FMN2: variants seen among roughly 807,000 people sequenced by gnomAD.
FMN2 encodes the protein formin-2.
A neutral mutation model predicts 142.3 loss-of-function variants in FMN2; 51 were observed. The ratio of observed to expected loss-of-function variants is 0.36; its 90% CI spans 0.29 to 0.45. The LOEUF (loss-of-function observed/expected upper bound fraction) is 0.45, where lower values mean the gene tolerates loss of function less well. Among genes scored for constraint, FMN2 ranks in the 20% least tolerant of loss-of-function variants. FMN2 has a pLI of 1.00. For synonymous variants in FMN2, 882 were observed against 869.8 expected (o/e 1.01, Z -0.25); for missense variants, 1,936 against 2,122.8 (o/e 0.91, Z 1.73).
At chr1:240,110,438 G>T (rs565180673) in intron 1 of FMN2, among the ~76,000 whole-genome samples, 1 of 152,276 alleles carries the variant, frequency 6.6e-6, no homozygotes, top group African/African-American at 2.4e-5. Flanking sequence ...TAGTGTCAAT[G>T]GTCACAGGCC....
chr1:240,144,518 T>C, intron 2 of FMN2: 1 of 1,495,020 alleles, frequency 6.7e-7, no homozygotes, highest in Non-Finnish European at 9.3e-7. Flanking sequence ...TACTACCACA[T>C]CCTCGCAGGA....
chr1:240,384,504 C>T (rs1673348628), intron 14 of FMN2, among the ~76,000 whole-genome samples: 1 of 151,930 alleles, frequency 6.6e-6, no homozygotes. Flanking sequence ...TATGGTGCAC[C>T]TTTGCTTCTG....
At chr1:240,142,802 C>G in intron 2 of FMN2, 1 of 1,587,200 alleles carries the variant, frequency 6.3e-7, no homozygotes, top group Non-Finnish European at 8.6e-7. Flanking sequence ...GTGTCTGGAA[C>G]CCTGTGATGG....
chr1:240,122,062 A>AAATTAATTAATT (rs138503789), intron 1 of FMN2, among the ~76,000 whole-genome samples: 2,526 of 97,190 alleles, frequency 0.026, 30 homozygotes, highest in Non-Finnish European at 0.038. Flanking sequence ...TTTGGATCCA[A>AAATTAATTAATT]AATTAATTAA....
At chr1:240,421,660 C>A (rs892876881) in intron 15 of FMN2, among the ~76,000 whole-genome samples, 1 of 152,030 alleles carries the variant, frequency 6.6e-6, no homozygotes, top group African/African-American at 2.4e-5. Context: ...TTTAATTTTT[C>A]TTGTTTCATT....
chr1:240,193,440 T>A (rs977856395), intron 4 of FMN2, among the ~76,000 whole-genome samples: 2 of 152,194 alleles, frequency 1.3e-5, no homozygotes, highest in African/African-American at 4.8e-5. Context: ...AGGGTGAAGG[T>A]TGTTGAGAGA....
At chr1:240,413,120 C>CAAAAA (rs35590068) in intron 15 of FMN2, among the ~76,000 whole-genome samples, 248 of 24,568 alleles carry the variant, frequency 0.01, 19 homozygotes, top group East Asian at 0.033. Context: ...GAGACTCTGT[C>CAAAAA]AAAAAAAAAA....
At chr1:240,337,203 CTTTT>C (rs752506621) in intron 13 of FMN2, among the ~76,000 whole-genome samples, 2 of 90,576 alleles carry the variant, frequency 2.2e-5, no homozygotes, top group Non-Finnish European at 4.6e-5. Flanking sequence ...TATTCCTTTT[CTTTT>C]TTTTTTTTTT....
chr1:240,156,434 G>A (rs528816364), intron 2 of FMN2, among the ~76,000 whole-genome samples: 3 of 152,294 alleles, frequency 2.0e-5, no homozygotes, highest in South Asian at 2.1e-4. Flanking sequence ...CTCGGCAGAG[G>A]CATTTCCTTT....
intron 14 of FMN2, among the ~76,000 whole-genome samples, chr1:240,362,225 T>G (rs1349713971): frequency 6.6e-6 from 1 of 152,160 alleles, no homozygotes; most frequent in Non-Finnish European, 1.5e-5. Flanking sequence ...TTACTATAAC[T>G]TAGCTTATCT....
intron 16 of FMN2, among the ~76,000 whole-genome samples, chr1:240,447,758 G>A (rs531215341): frequency 1.1e-4 from 17 of 150,176 alleles, no homozygotes; most frequent in African/African-American, 3.0e-4. Context: ...TTTCTCTTGC[G>A]GGGGGTACAA....
chr1:240,195,816 G>C (rs1665889543), intron 4 of FMN2, among the ~76,000 whole-genome samples: 1 of 151,942 alleles, frequency 6.6e-6, no homozygotes, highest in African/African-American at 2.4e-5. Context: ...CCAGGAGTCT[G>C]AGACTAGCAT....
At chr1:240,366,525 C>G (rs1158284938) in intron 14 of FMN2, among the ~76,000 whole-genome samples, 1 of 141,086 alleles carries the variant, frequency 7.1e-6, no homozygotes, top group Non-Finnish European at 1.5e-5. Flanking sequence ...GATTGTCTAT[C>G]CTATTCTATC....
intron 7 of FMN2, among the ~76,000 whole-genome samples, chr1:240,280,519 T>C (rs1228341293): frequency 6.6e-6 from 1 of 152,150 alleles, no homozygotes; most frequent in Non-Finnish European, 1.5e-5. Flanking sequence ...AGTGGCAAAA[T>C]GTGATCCCAG....
intron 13 of FMN2, among the ~76,000 whole-genome samples, chr1:240,354,132 G>T (rs1672190932): frequency 6.6e-6 from 1 of 152,110 alleles, no homozygotes; most frequent in South Asian, 2.1e-4. Flanking sequence ...TAAGCGGTTG[G>T]GTCTCTTCTG....
At chr1:240,306,702 A>G (rs1670421413) in intron 8 of FMN2, among the ~76,000 whole-genome samples, 1 of 152,182 alleles carries the variant, frequency 6.6e-6, no homozygotes, top group African/African-American at 2.4e-5. Context: ...TAGTGCTGTG[A>G]TGAACATACG....
Position 240,208,725 on chromosome 1 carries a change from A to G in FMN2, c.3913A>G (p.Ser1305Gly), listed in dbSNP as rs771423087. The G allele has an allele frequency of 1.2e-6, 2 of 1,605,254 alleles. No homozygotes were observed. The highest frequency in any genetic ancestry group is 2.2e-5 in the South Asian group (2 of 90,850). Residue 1305 changes from serine to glycine, a missense_variant, in exon 5 of 18, where the codon AGT becomes GGT. Ser to Gly is a moderately conservative substitution (Grantham distance 56, BLOSUM62 0). Around this residue, in one of 8 missense-constraint regions of FMN2, gnomAD observed 259 missense variants for 230.9 expected, o/e 1.12. Transcript: ENST00000319653. ...PLYWTRIQLH[S>G]KRDSSTSLIW... Reference sequence around the variant, plus strand: ...TTACTGGACCAGGATTCAACTACATAGTAAAAGGTAACATGAAAGTGAGCT... The same window carrying G: ...TTACTGGACCAGGATTCAACTACATGGTAAAAGGTAACATGAAAGTGAGCT...
intron 14 of FMN2, among the ~76,000 whole-genome samples, chr1:240,383,181 A>C (rs575655188): frequency 6.6e-6 from 1 of 152,172 alleles, no homozygotes; most frequent in Non-Finnish European, 1.5e-5. Flanking sequence ...CCTAGGAAAA[A>C]TTCTTCTGGA....
intron 14 of FMN2, among the ~76,000 whole-genome samples, chr1:240,375,268 CAAAGTG>C (rs1255376812): frequency 6.6e-6 from 1 of 152,006 alleles, no homozygotes; most frequent in Non-Finnish European, 1.5e-5. Context: ...CGAGAATTAC[CAAAGTG>C]ATATGACACA....
Sources: gnomAD v4.1 joint callset for allele counts (sites outside exome capture counted in the v4.1 genomes callset) on GRCh38, gnomAD v4.1.1 for gene constraint, gnomAD v4.1.1 regional missense constraint, MANE v1.5 for transcripts, NCBI Gene and HGNC (gene_info 2026-07-23, HGNC 2026-07-21) for gene names.